CDYL: variants seen among roughly 807,000 people sequenced by gnomAD.
CDYL encodes chromodomain Y-like protein.
In CDYL, 8 loss-of-function variants were observed where a neutral mutation model predicts 47.3. The observed-to-expected ratio is 0.17, with a 90% CI of 0.10 to 0.31. The LOEUF (loss-of-function observed/expected upper bound fraction) is 0.31, where lower values mean the gene tolerates loss of function less well. CDYL is among the 10% of genes least tolerant of loss of function. The pLI is 1.00. For synonymous variants in CDYL, 266 were observed against 265.0 expected (o/e 1.00, Z -0.04); for missense variants, 471 against 701.4 (o/e 0.67, Z 3.71).
At chr6:4,891,157 G>C (rs1762030391) in intron 1 of CDYL, among the ~76,000 whole-genome samples, 1 of 152,214 alleles carries the variant, frequency 6.6e-6, no homozygotes, top group Non-Finnish European at 1.5e-5. Flanking sequence ...GATCGCTCTA[G>C]ACTGTTTTAT....
intron 2 of CDYL, among the ~76,000 whole-genome samples, chr6:4,734,335 A>G (rs1463713482): frequency 6.6e-6 from 1 of 152,128 alleles, no homozygotes; most frequent in African/African-American, 2.4e-5. Flanking sequence ...GTCATCTCAG[A>G]GTCCCACTCC....
chr6:4,759,894 A>AAAAAAAAAAAAAAAAAG, intron 3 of CDYL, among the ~76,000 whole-genome samples: 1 of 76,118 alleles, frequency 1.3e-5, no homozygotes, highest in Non-Finnish European at 2.2e-5. Context: ...AAAAAAAAAA[A>AAAAAAAAAAAAAAAAAG]AAAAAAAAAA....
intron 2 of CDYL, among the ~76,000 whole-genome samples, chr6:4,907,109 A>G (rs1757261941): frequency 6.6e-6 from 1 of 152,216 alleles, no homozygotes; most frequent in Non-Finnish European, 1.5e-5. Context: ...TCAGAGTTGC[A>G]CATTACTGTG....
chr6:4,808,364 T>C (rs1279049670), intron 1 of CDYL, among the ~76,000 whole-genome samples: 1 of 152,244 alleles, frequency 6.6e-6, no homozygotes, highest in Non-Finnish European at 1.5e-5. Flanking sequence ...ATAGCATTCA[T>C]TCTAACCTTC....
chr6:4,744,209 A>C (rs1445865560), intron 3 of CDYL, among the ~76,000 whole-genome samples: 1 of 152,160 alleles, frequency 6.6e-6, no homozygotes, highest in Non-Finnish European at 1.5e-5. Context: ...AAATTGCTAA[A>C]TAGCTCAGGC....
At chr6:4,785,625 C>T (rs1375089622) in intron 1 of CDYL, among the ~76,000 whole-genome samples, 2 of 152,160 alleles carry the variant, frequency 1.3e-5, no homozygotes, top group Non-Finnish European at 2.9e-5. Context: ...ATGTGGATAT[C>T]CCAGCTCTTT....
intron 3 of CDYL, among the ~76,000 whole-genome samples, chr6:4,740,840 G>C (rs1392926839): frequency 1.3e-5 from 2 of 151,022 alleles, no homozygotes; most frequent in African/African-American, 4.9e-5. Flanking sequence ...AGGCTGGAGT[G>C]CAGTGGTGTG....
rs75050794 is a variant in CDYL at position 4,913,680 on chromosome 6, G to A, written c.691+21301G>A. Reference sequence around the variant, plus strand: ...GGGTTATACTGGACAAAAGAGGACCGTCTAGTCTAGGGATCAGCACGCTTT... The same window carrying A: ...GGGTTATACTGGACAAAAGAGGACCATCTAGTCTAGGGATCAGCACGCTTT... On this transcript the variant is annotated intron_variant, in intron 2 of 6. Transcript: ENST00000397588. Among the ~76,000 whole-genome samples the A allele has an allele frequency of 3.5e-3, 540 of 152,320 alleles. 2 individuals are homozygous for A. Among genetic ancestry groups the A allele is most frequent in the African/African-American group, 0.013 (526 of 41,576 alleles).
intron 1 of CDYL, among the ~76,000 whole-genome samples, chr6:4,815,855 T>G (rs1759660053): frequency 6.6e-6 from 1 of 151,984 alleles, no homozygotes; most frequent in Non-Finnish European, 1.5e-5. Context: ...CTCTACAGAA[T>G]GTGTTTATCA....
At chr6:4,847,874 A>G (rs1476209092) in intron 1 of CDYL, among the ~76,000 whole-genome samples, 1 of 152,216 alleles carries the variant, frequency 6.6e-6, no homozygotes. Flanking sequence ...GGGAATATAC[A>G]GTCAGGAACA....
intron 1 of CDYL, among the ~76,000 whole-genome samples, chr6:4,802,008 G>T (rs1759240157): frequency 6.6e-6 from 1 of 152,152 alleles, no homozygotes; most frequent in Non-Finnish European, 1.5e-5. Flanking sequence ...TGCTGTCAGA[G>T]TGCTTTAAAT....
chr6:4,747,077 G>A (rs1205855461), intron 3 of CDYL, among the ~76,000 whole-genome samples: 1 of 152,144 alleles, frequency 6.6e-6, no homozygotes, highest in Non-Finnish European at 1.5e-5. Flanking sequence ...GGGAGGTCGA[G>A]GCGGGCCGAT....
chr6:4,835,728 C>T (rs531083433), intron 1 of CDYL, among the ~76,000 whole-genome samples: 229 of 152,346 alleles, frequency 1.5e-3, no homozygotes, highest in African/African-American at 5.2e-3. Flanking sequence ...TGGTGGGCTC[C>T]ACCCAGTTGG....
intron 1 of CDYL, chr6:4,836,455 G>A (rs548045821): frequency 2.7e-4 from 47 of 173,010 alleles, no homozygotes; most frequent in African/African-American, 1.1e-3. Context: ...TCTGGGAATT[G>A]AGACTTCGGC....
At chr6:4,793,138 T>G (rs1223536028) in intron 1 of CDYL, among the ~76,000 whole-genome samples, 1 of 151,928 alleles carries the variant, frequency 6.6e-6, no homozygotes, top group Non-Finnish European at 1.5e-5. Flanking sequence ...CTCATGGTGG[T>G]GTGCTCTTCC....
chr6:4,766,892 T>C (rs1272669750), intron 3 of CDYL, among the ~76,000 whole-genome samples: 1 of 151,916 alleles, frequency 6.6e-6, no homozygotes, highest in Non-Finnish European at 1.5e-5. Context: ...TCTCAGCTAC[T>C]TGGGGGGAGC....
chr6:4,840,743 C>A (rs117121323), intron 1 of CDYL, among the ~76,000 whole-genome samples: 1 of 152,108 alleles, frequency 6.6e-6, no homozygotes, highest in Non-Finnish European at 1.5e-5. Context: ...GATATGAAAC[C>A]CACTTGATCA....
intron 2 of CDYL, among the ~76,000 whole-genome samples, chr6:4,716,900 A>G (rs2127408368): frequency 6.6e-6 from 1 of 152,292 alleles, no homozygotes; most frequent in South Asian, 2.1e-4. Context: ...AATTGATACC[A>G]TACAAGTAGC....
chr6:4,764,781 A>G (rs192385463), intron 3 of CDYL, among the ~76,000 whole-genome samples: 123 of 152,358 alleles, frequency 8.1e-4, no homozygotes, highest in East Asian at 4.0e-3. Context: ...ATGTTGGGAT[A>G]TTTTAATGCA....
Sources: gnomAD v4.1 joint callset for allele counts (sites outside exome capture counted in the v4.1 genomes callset) on GRCh38, gnomAD v4.1.1 for gene constraint, MANE v1.5 for transcripts, NCBI Gene and HGNC (gene_info 2026-07-23, HGNC 2026-07-21) for gene names.